Variants in RGP1 observed in about 807,000 individuals in gnomAD.
The protein encoded by RGP1 is RGP1 partner of RAB6A GEF complex.
Under a neutral mutation model 44.5 loss-of-function variants are expected in RGP1, and 28 were observed. The observed-to-expected ratio is 0.63, with a 90% CI of 0.47 to 0.86. RGP1 has a LOEUF of 0.86. Among genes scored for constraint, RGP1 ranks in the 40% least tolerant of loss-of-function variants. RGP1 has a pLI of 0.00. For missense variants in RGP1, 417 were observed against 490.7 expected, an observed-to-expected ratio of 0.85 and a Z score of 1.42; for synonymous variants, 212 against 196.7, an observed-to-expected ratio of 1.08 and a Z score of -0.65.
the RGP1 span, among the ~76,000 whole-genome samples, chr9:35,767,328 C>T: frequency 4.1e-5 from 5 of 122,056 alleles, no homozygotes; most frequent in African/African-American, 1.5e-4. Flanking sequence ...ATTAATACTA[C>T]ATTTAGAGAA....
intron 5 of RGP1, 86 bp downstream of exon 5, chr9:35,751,075 A>G: frequency 1.9e-6 from 3 of 1,543,250 alleles, no homozygotes; most frequent in Non-Finnish European, 2.7e-6. Flanking sequence ...GAGGGACTGC[A>G]GGGAAACTTC....
chr9:35,784,329 G>A, the RGP1 span, among the ~76,000 whole-genome samples: 1 of 152,166 alleles, frequency 6.6e-6, no homozygotes, highest in East Asian at 1.9e-4. Context: ...CCTGTGCCCA[G>A]TCCAATGTCA....
the RGP1 span, among the ~76,000 whole-genome samples, chr9:35,783,227 ATACT>A: frequency 4.6e-5 from 7 of 152,170 alleles, no homozygotes; most frequent in Non-Finnish European, 1.0e-4. Flanking sequence ...ATAATTATAC[ATACT>A]TATGAAATAC....
chr9:35,751,938 C>T lies in RGP1; in HGVS notation c.763-18C>T, dbSNP rs756625056. 32 of 1,563,506 alleles carry T rather than the reference C, an allele frequency of 2.0e-5. No homozygotes were observed. The Admixed American group carries it at 5.3e-4, about 26-fold the overall frequency. On this transcript the variant is annotated intron_variant, in intron 7 of 8. Transcript: ENST00000378078. ...AGACAGCACTTCCTGTTAGCACACA[C>T]CTGTCTCTTGCTCCCAGTTTTCAGT...
chr9:35,764,639 A>C, the RGP1 span, among the ~76,000 whole-genome samples: 1 of 151,970 alleles, frequency 6.6e-6, no homozygotes, highest in African/African-American at 2.4e-5. Context: ...TCACCACCCC[A>C]CCACTGCCCC....
At chr9:35,781,372 C>T in the RGP1 span, among the ~76,000 whole-genome samples, 3 of 102,186 alleles carry the variant, frequency 2.9e-5, no homozygotes, top group African/African-American at 3.9e-5. Flanking sequence ...CATTTTGGTC[C>T]GTGGTGGGTG....
At chr9:35,767,283 G>GTT in the RGP1 span, among the ~76,000 whole-genome samples, 25,543 of 108,258 alleles carry the variant, frequency 0.24, 3,434 homozygotes, top group Middle Eastern at 0.34. Flanking sequence ...AAGCAAATTG[G>GTT]TTTTTTTTTT....
chr9:35,769,910 T>G, the RGP1 span, among the ~76,000 whole-genome samples: 5 of 152,190 alleles, frequency 3.3e-5, 1 homozygote, highest in Admixed American at 2.0e-4. Context: ...ACTTAAAAAT[T>G]TTAATGTAGT....
At chr9:35,759,565 T>C (rs1827398833), downstream of RGP1, among the ~76,000 whole-genome samples, 1 of 58,752 alleles carries the variant, frequency 1.7e-5, no homozygotes, top group Non-Finnish European at 2.8e-5. Flanking sequence ...AGACCCTGTC[T>C]CCAAAAAAAA....
At chr9:35,779,832 A>C in the RGP1 span, among the ~76,000 whole-genome samples, 27 of 152,230 alleles carry the variant, frequency 1.8e-4, no homozygotes, top group African/African-American at 6.0e-4. Flanking sequence ...TCTCTTGGGC[A>C]CAAGTGATCC....
chr9:35,765,807 C>A, the RGP1 span, among the ~76,000 whole-genome samples: 1 of 151,404 alleles, frequency 6.6e-6, no homozygotes, highest in Non-Finnish European at 1.5e-5. Context: ...CTTGTCAGCA[C>A]TTAGTATTGT....
At position 35,753,390 on chromosome 9, in the gene RGP1, G is replaced by A; in HGVS notation, c.*516G>A. 8.0e-7 allele frequency: 1 copy of A among 1,245,550 alleles called. No homozygotes were observed. The highest frequency in any genetic ancestry group is 1.4e-5 in the South Asian group (1 of 69,924). The allele number at this position is 1,245,550 out of a possible 1,614,324, so 77.2% of individuals were successfully genotyped here. ...TCCCCCCACAGAGCCCCTTTCAGTG[G>A]CCCCTTGGTCCTCCTAACTAAGCTG... On this transcript the variant is annotated 3_prime_UTR_variant, in exon 9 of 9. Coordinates refer to ENST00000378078, the MANE Select transcript of RGP1 (RefSeq NM_001080496.3). This position sits in a 1 kb window ranked among gnomAD's most constrained non-coding sequence, Gnocchi z 4.2.
chr9:35,758,808 AT>A (rs796906645), downstream of RGP1, among the ~76,000 whole-genome samples: 7,407 of 145,838 alleles, frequency 0.051, 525 homozygotes, highest in African/African-American at 0.17. Context: ...TGCTTCACTG[AT>A]TTTTTTTTTT....
In RGP1 at chr9:35,754,180, T is replaced by C; in HGVS notation, c.*1306T>C. The stretch of plus-strand genomic sequence containing the variant: ...CTTCTTGGCCTCTGCTCAGCTACTC[T>C]GGTCTTGACTCCTTGACTTTGCTTT... On this transcript the variant is annotated 3_prime_UTR_variant, in exon 9 of 9. Coordinates refer to ENST00000378078, the MANE Select transcript of RGP1 (RefSeq NM_001080496.3). The C allele has an allele frequency of 6.4e-7, 1 of 1,571,660 alleles. No homozygotes were observed. The highest frequency in any genetic ancestry group is 1.9e-5 in the Admixed American group (1 of 53,004).
chr9:35,759,005 T>C (rs1827395211), downstream of RGP1, among the ~76,000 whole-genome samples: 4 of 152,220 alleles, frequency 2.6e-5, no homozygotes, highest in South Asian at 8.3e-4. Context: ...TCTAGACTGT[T>C]TTTAAACTCA....
At chr9:35,784,737 G>A in the RGP1 span, among the ~76,000 whole-genome samples, 1 of 151,958 alleles carries the variant, frequency 6.6e-6, no homozygotes, top group African/African-American at 2.4e-5. Flanking sequence ...CAAAGTGCTG[G>A]GATTACAGGT....
chr9:35,749,432 G>C lies in RGP1; in HGVS notation c.-20+24G>C. 1 of 583,372 alleles carries C rather than the reference G, an allele frequency of 1.7e-6. No homozygotes were observed. The highest frequency in any genetic ancestry group is 3.4e-6 in the Non-Finnish European group (1 of 292,486). 36.1% of individuals were successfully genotyped at this position (583,372 alleles called of 1,614,324 possible). A position where few individuals can be genotyped will look rare whatever the true frequency, so the allele number is the denominator to read the frequency against. The stretch of plus-strand genomic sequence containing the variant: ...AGGTGACTAGCGGCGGTGATCTTGG[G>C]CTGGGACGTGGAACTTTGAGGAAAG... On this transcript the variant is annotated intron_variant, in intron 1 of 8. Coordinates refer to ENST00000378078, the MANE Select transcript of RGP1 (RefSeq NM_001080496.3). This position sits in a 1 kb window ranked among gnomAD's most constrained non-coding sequence, Gnocchi z 4.4.
At position 35,758,333 on chromosome 9, in the gene RGP1, T is replaced by C. The variant is rs369993073; in HGVS notation, c.*5459T>C. On this transcript the variant is annotated 3_prime_UTR_variant, in exon 9 of 9. Transcript: ENST00000378078. ...GTTTCTGTATTTATCCTGTGGCTGATAGAAAAAGTTAAAGCTGTTTAATTC... is the reference window on the plus strand; with the variant it reads ...GTTTCTGTATTTATCCTGTGGCTGACAGAAAAAGTTAAAGCTGTTTAATTC... 26 of 152,354 alleles carry C rather than the reference T, an allele frequency of 1.7e-4. No individual in the cohort carries two copies. The highest frequency in any genetic ancestry group is 6.3e-4 in the African/African-American group (26 of 41,582). The allele number at this position is 152,354 out of a possible 1,614,324, so 9.4% of individuals were successfully genotyped here. A position where few individuals can be genotyped will look rare whatever the true frequency, so the allele number is the denominator to read the frequency against.
the RGP1 span, among the ~76,000 whole-genome samples, chr9:35,778,729 T>G: frequency 3.9e-5 from 6 of 152,358 alleles, no homozygotes; most frequent in African/African-American, 1.4e-4. Context: ...CCTTCCTGTT[T>G]GCTTTCTCTT....
Sources: allele counts gnomAD v4.1 joint callset (sites outside exome capture counted in the v4.1 genomes callset), GRCh38; gene constraint gnomAD v4.1.1; non-coding constraint Gnocchi (gnomAD v3.1); transcripts MANE v1.5; gene names NCBI Gene and HGNC (gene_info 2026-07-23, HGNC 2026-07-21).